Variants in PCDH15 observed in about 807,000 individuals in gnomAD.
The protein encoded by PCDH15 is protocadherin related 15.
Under a neutral mutation model 178.5 loss-of-function variants are expected in PCDH15, and 129 were observed. That is an observed-to-expected ratio of 0.72 (90% confidence interval 0.63 to 0.84). The LOEUF is 0.84. Ranked by LOEUF, PCDH15 falls within the 40% of genes least tolerant of loss-of-function variation. PCDH15 has a pLI of 0.00. For missense variants in PCDH15, 2,230 were observed against 2,099.9 expected, an observed-to-expected ratio of 1.06 and a Z score of -1.21; for synonymous variants, 800 against 732.0, an observed-to-expected ratio of 1.09 and a Z score of -1.50.
chr10:55,605,096 C>T (rs1222110491), intron 2 of PCDH15, among the ~76,000 whole-genome samples: 1 of 150,920 alleles, frequency 6.6e-6, no homozygotes, highest in African/African-American at 2.4e-5. Flanking sequence ...TACAAACTAC[C>T]ATCAGAGAAT....
intron 3 of PCDH15, among the ~76,000 whole-genome samples, chr10:54,497,084 C>T (rs888816598): frequency 6.6e-6 from 1 of 152,038 alleles, no homozygotes; most frequent in Admixed American, 6.6e-5. Flanking sequence ...CTTTCCAGCA[C>T]ATCAAGCAAT....
At position 53,822,386 on chromosome 10, in the gene PCDH15, A is replaced by T. The variant is rs1171412663; in HGVS notation, c.4368-2156T>A. 6.4e-7 allele frequency: 1 copy of T among 1,572,040 alleles called. No individual in the cohort carries two copies. Among genetic ancestry groups the T allele is most frequent in the Admixed American group, 1.9e-5 (1 of 53,146 alleles). ...GAAGAGGGATAGAAGGAGGAGAGGG[A>T]GGAGGACAAAAAAGAGAAAAAGGAG... On this transcript the variant is annotated intron_variant, in intron 32 of 37. Coordinates refer to ENST00000644397, the MANE Select transcript of PCDH15 (RefSeq NM_001384140.1).
At chr10:54,016,262 G>GAA (rs56196057) in intron 20 of PCDH15, among the ~76,000 whole-genome samples, 3,913 of 148,680 alleles carry the variant, frequency 0.026, 174 homozygotes, top group African/African-American at 0.093. Flanking sequence ...AAGTAAAAAA[G>GAA]AAAAAAAAAA....
chr10:55,310,806 T>G (rs1009085846), intron 1 of PCDH15, among the ~76,000 whole-genome samples: 44 of 152,058 alleles, frequency 2.9e-4, no homozygotes, highest in African/African-American at 1.0e-3. Flanking sequence ...TTCTCAATCC[T>G]AAGTGGGAGT....
intron 8 of PCDH15, among the ~76,000 whole-genome samples, chr10:54,304,836 C>A (rs1402862037): frequency 6.6e-6 from 1 of 151,582 alleles, no homozygotes; most frequent in African/African-American, 2.4e-5. Context: ...TAGATAAATT[C>A]ATTGCTGTGT....
intron 3 of PCDH15, among the ~76,000 whole-genome samples, chr10:54,405,536 G>T (rs1160140387): frequency 3.3e-5 from 5 of 151,846 alleles, no homozygotes; most frequent in African/African-American, 1.2e-4. Context: ...CCTATTGAAG[G>T]GTGGAGGGTG....
chr10:54,291,358 C>A (rs1017136620), intron 8 of PCDH15, among the ~76,000 whole-genome samples: 3 of 152,082 alleles, frequency 2.0e-5, no homozygotes, highest in Admixed American at 1.3e-4. Context: ...TAAATGCCCA[C>A]AAGAGAAAGC....
chr10:54,987,882 C>T (rs1243222173), intron 2 of PCDH15, among the ~76,000 whole-genome samples: 1 of 152,016 alleles, frequency 6.6e-6, no homozygotes, highest in African/African-American at 2.4e-5. Flanking sequence ...TCTCATTTGT[C>T]AATTTTGCCT....
chr10:54,270,797 C>T (rs1164393175), intron 8 of PCDH15, among the ~76,000 whole-genome samples: 1 of 152,122 alleles, frequency 6.6e-6, no homozygotes, highest in Non-Finnish European at 1.5e-5. Flanking sequence ...CTGCTAGACA[C>T]TGTTTTAGAT....
At chr10:54,339,363 CA>C (rs5785069) in intron 6 of PCDH15, among the ~76,000 whole-genome samples, 2,433 of 131,578 alleles carry the variant, frequency 0.018, 68 homozygotes, top group African/African-American at 0.065. Context: ...AGGCATTAAA[CA>C]AAAAAAAAAA....
intron 2 of PCDH15, among the ~76,000 whole-genome samples, chr10:55,058,890 T>C (rs985028549): frequency 6.6e-6 from 1 of 152,188 alleles, no homozygotes; most frequent in Non-Finnish European, 1.5e-5. Flanking sequence ...AGATTAAATT[T>C]TGATAAATGT....
chr10:53,826,155 A>ACAAT (rs766487565), intron 32 of PCDH15, among the ~76,000 whole-genome samples: 3 of 151,902 alleles, frequency 2.0e-5, no homozygotes, highest in African/African-American at 4.8e-5. Flanking sequence ...TACAAAAGAA[A>ACAAT]CAATCATTTT....
intron 1 of PCDH15, among the ~76,000 whole-genome samples, chr10:55,254,631 A>G (rs1460399174): frequency 6.6e-6 from 1 of 152,196 alleles, no homozygotes; most frequent in Non-Finnish European, 1.5e-5. Context: ...CCATTTTTGA[A>G]GAAATTTAAT....
chr10:54,279,224 C>CA (rs2058529639), intron 8 of PCDH15, among the ~76,000 whole-genome samples: 1 of 151,466 alleles, frequency 6.6e-6, no homozygotes, highest in Admixed American at 6.6e-5. Context: ...TTTGTGGGCA[C>CA]AATCATACAA....
chr10:54,454,585 G>A (rs1254353696), intron 3 of PCDH15, among the ~76,000 whole-genome samples: 1 of 151,696 alleles, frequency 6.6e-6, no homozygotes, highest in Non-Finnish European at 1.5e-5. Flanking sequence ...CACATGCATA[G>A]ACATAAATGT....
rs2091805733 is a variant in PCDH15, at chr10:53,995,724, G to C, written c.2793C>G (p.Tyr931Ter). ...DYPPVFSKRI[Y>*]KGMVAPDAVK... The stretch of plus-strand genomic sequence containing the variant: ...CTGCATCCGGAGCCACCATCCCTTT[G>C]TATATTCGTTTACTAAAGACAGGAG... The change falls in exon 21 of 38, where the codon TAC (tyrosine) becomes TAG (stop). Residue 931 changes from tyrosine to a stop codon, truncating the protein, a stop_gained. Transcript: ENST00000644397. LOFTEE classifies it high-confidence loss of function. The C allele has an allele frequency of 6.2e-7, 1 of 1,613,832 alleles. No individual in the cohort carries two copies. The highest frequency in any genetic ancestry group is 8.5e-7 in the Non-Finnish European group (1 of 1,179,802).
intron 1 of PCDH15, among the ~76,000 whole-genome samples, chr10:55,235,458 T>A (rs902919990): frequency 4.6e-5 from 7 of 152,126 alleles, no homozygotes; most frequent in African/African-American, 1.7e-4. Flanking sequence ...TTTCTTAAAG[T>A]CCATACATTC....
At chr10:54,122,541 T>G (rs1057237888) in intron 15 of PCDH15, among the ~76,000 whole-genome samples, 1 of 151,514 alleles carries the variant, frequency 6.6e-6, no homozygotes, top group African/African-American at 2.4e-5. Context: ...TTTCATATAT[T>G]TGCTGGAGGC....
intron 2 of PCDH15, among the ~76,000 whole-genome samples, chr10:54,945,578 G>T (rs140904732): frequency 1.3e-4 from 20 of 151,204 alleles, no homozygotes; most frequent in Non-Finnish European, 2.2e-4. Context: ...TAATTTTCAT[G>T]GTAAATATTC....
Sources: gnomAD v4.1 joint callset for allele counts (sites outside exome capture counted in the v4.1 genomes callset) on GRCh38, gnomAD v4.1.1 for gene constraint, MANE v1.5 for transcripts, NCBI Gene and HGNC (gene_info 2026-07-23, HGNC 2026-07-21) for gene names.